FGF12: variants seen among roughly 807,000 people sequenced by gnomAD.
The protein encoded by FGF12 is fibroblast growth factor 12B.
In FGF12, 14 loss-of-function variants were observed where a neutral mutation model predicts 23.6. The ratio of observed to expected loss-of-function variants is 0.59; its 90% CI spans 0.39 to 0.93. The LOEUF (loss-of-function observed/expected upper bound fraction) is 0.93, where lower values mean the gene tolerates loss of function less well. Ranked by LOEUF, FGF12 falls within the 40% of genes least tolerant of loss-of-function variation. The pLI is 0.00. For synonymous variants in FGF12, 62 were observed against 77.3 expected (o/e 0.80, Z 1.04); for missense variants, 175 against 217.8 (o/e 0.80, Z 1.24).
At chr3:192,518,891 C>T (rs568497063) in intron 2 of FGF12, among the ~76,000 whole-genome samples, 27 of 151,910 alleles carry the variant, frequency 1.8e-4, no homozygotes, top group Admixed American at 1.6e-3. Flanking sequence ...TCCCTGACTC[C>T]TGTTCCTCTT....
chr3:192,311,553 C>CAAAT (rs759303091), intron 4 of FGF12, among the ~76,000 whole-genome samples: 10 of 152,166 alleles, frequency 6.6e-5, no homozygotes, highest in Non-Finnish European at 1.2e-4. Flanking sequence ...AGTTGATGGA[C>CAAAT]ATTTGAATTG....
chr3:192,373,246 A>G (rs1271960169), intron 2 of FGF12, among the ~76,000 whole-genome samples: 1 of 151,504 alleles, frequency 6.6e-6, no homozygotes, highest in African/African-American at 2.4e-5. Context: ...CAGAATATCT[A>G]GTTCTTAGCA....
At chr3:192,571,945 T>G (rs1273088702) in intron 2 of FGF12, among the ~76,000 whole-genome samples, 17 of 144,700 alleles carry the variant, frequency 1.2e-4, no homozygotes, top group African/African-American at 4.6e-4. Context: ...TATTGCTGTT[T>G]TTTTTTTTTT....
intron 2 of FGF12, among the ~76,000 whole-genome samples, chr3:192,640,224 A>G (rs1161782467): frequency 1.3e-5 from 2 of 152,120 alleles, no homozygotes; most frequent in Non-Finnish European, 2.9e-5. Flanking sequence ...ACAAACAAAA[A>G]ACCATGGGCA....
intron 2 of FGF12, among the ~76,000 whole-genome samples, chr3:192,393,251 A>G (rs374108505): frequency 1.3e-5 from 2 of 152,246 alleles, no homozygotes; most frequent in South Asian, 2.1e-4. Flanking sequence ...ACTAACCTCA[A>G]GAAATGACTT....
At chr3:192,373,106 T>A (rs1719310755) in intron 2 of FGF12, among the ~76,000 whole-genome samples, 1 of 152,144 alleles carries the variant, frequency 6.6e-6, no homozygotes, top group South Asian at 2.1e-4. Context: ...CTGTTTTTTT[T>A]TTCACCTCCC....
chr3:192,695,540 A>G (rs1718090247), intron 2 of FGF12, among the ~76,000 whole-genome samples: 1 of 152,216 alleles, frequency 6.6e-6, no homozygotes, highest in Non-Finnish European at 1.5e-5. Flanking sequence ...TAGTAGGTTC[A>G]CAGGAAATGT....
intron 2 of FGF12, among the ~76,000 whole-genome samples, chr3:192,726,406 G>C (rs1181435818): frequency 6.6e-6 from 1 of 152,110 alleles, no homozygotes; most frequent in African/African-American, 2.4e-5. Flanking sequence ...GCATAGATGG[G>C]GTTAAATCCA....
intron 2 of FGF12, among the ~76,000 whole-genome samples, chr3:192,491,200 A>C (rs1723791091): frequency 6.6e-6 from 1 of 152,080 alleles, no homozygotes; most frequent in Non-Finnish European, 1.5e-5. Context: ...CATGTAACAG[A>C]TATCCCAAGA....
At chr3:192,289,224 C>T (rs115960114) in intron 4 of FGF12, among the ~76,000 whole-genome samples, 5,832 of 152,210 alleles carry the variant, frequency 0.038, 181 homozygotes, top group South Asian at 0.061. Context: ...TGCCAGGCTC[C>T]ATTCTAAGTG....
At chr3:192,197,748 C>G (rs1027588748) in intron 4 of FGF12, among the ~76,000 whole-genome samples, 1 of 152,010 alleles carries the variant, frequency 6.6e-6, no homozygotes, top group African/African-American at 2.4e-5. Context: ...AGTTTGAGAC[C>G]AGCCTGACCA....
chr3:192,509,062 G>T (rs1206206713), intron 2 of FGF12, among the ~76,000 whole-genome samples: 4 of 145,486 alleles, frequency 2.7e-5, no homozygotes, highest in Non-Finnish European at 6.1e-5. Context: ...ATCCTGAAGG[G>T]TTTTTTTTTT....
rs574641524 is a variant in FGF12 at position 192,275,889 on chromosome 3, G to A, written c.228+59472C>T. On this transcript the variant is annotated intron_variant, in intron 4 of 5. Transcript: ENST00000445105. ...TCCACATTCCAACCTCCCAGCTAAG[G>A]ATATTGCCTCACTGTCACCTCACTG... Among the ~76,000 whole-genome samples, 54 of 152,204 alleles carry A rather than the reference G, an allele frequency of 3.5e-4. 1 individual carries two copies. Among genetic ancestry groups the A allele is most frequent in the Admixed American group, 1.2e-3 (18 of 15,276 alleles).
At chr3:192,507,682 G>A (rs1350920507) in intron 2 of FGF12, among the ~76,000 whole-genome samples, 1 of 152,144 alleles carries the variant, frequency 6.6e-6, no homozygotes, top group East Asian at 1.9e-4. Context: ...CAGGCTGCTT[G>A]TGAACAGAAG....
chr3:192,476,908 C>T (rs867344236), intron 2 of FGF12, among the ~76,000 whole-genome samples: 3 of 152,026 alleles, frequency 2.0e-5, no homozygotes, highest in East Asian at 1.9e-4. Flanking sequence ...TAAATGCTTT[C>T]GGATGATTAA....
In FGF12 at chr3:192,141,446, T is replaced by C. The variant is rs1713380046; in HGVS notation, c.*2563A>G. 1 of 152,042 alleles carries C rather than the reference T, an allele frequency of 6.6e-6. No individual in the cohort carries two copies. The highest frequency in any genetic ancestry group is 1.5e-5 in the Non-Finnish European group (1 of 67,890). 9.4% of individuals were successfully genotyped at this position (152,042 alleles called of 1,614,324 possible). On this transcript the variant is annotated 3_prime_UTR_variant, in exon 6 of 6. Coordinates refer to ENST00000445105, the MANE Select transcript of FGF12 (RefSeq NM_004113.6). ...CTACATTTTTTGTCAGGTTTATGTGTAAAAGAAATCAGGTTTCCAATTAAT... is the reference window on the plus strand; with the variant it reads ...CTACATTTTTTGTCAGGTTTATGTGCAAAAGAAATCAGGTTTCCAATTAAT...
chr3:192,298,578 C>T lies in FGF12; in HGVS notation c.228+36783G>A, dbSNP rs553697605. Among the ~76,000 whole-genome samples the T allele has an allele frequency of 8.2e-4, 125 of 152,240 alleles. 1 individual carries two copies. Among genetic ancestry groups the T allele is most frequent in the Middle Eastern group, 6.8e-3 (2 of 294 alleles). On this transcript the variant is annotated intron_variant, in intron 4 of 5. Transcript: ENST00000445105. Reference sequence around the variant, plus strand: ...GACCAGCCGGGCCAAAATGGTGAAACTCCATCTCTACTAAAAATACAAAAA... The same window carrying T: ...GACCAGCCGGGCCAAAATGGTGAAATTCCATCTCTACTAAAAATACAAAAA...
chr3:192,468,841 G>A (rs73070221), intron 2 of FGF12, among the ~76,000 whole-genome samples: 3 of 151,914 alleles, frequency 2.0e-5, no homozygotes, highest in Non-Finnish European at 4.4e-5. Context: ...TGGGGTTTGC[G>A]GAACAGTGAT....
At chr3:192,243,388 A>G (rs1719719838) in intron 4 of FGF12, among the ~76,000 whole-genome samples, 1 of 152,066 alleles carries the variant, frequency 6.6e-6, no homozygotes. Context: ...GCACATGAAT[A>G]AACAGTCATA....
Sources: allele counts gnomAD v4.1 joint callset (sites outside exome capture counted in the v4.1 genomes callset), GRCh38; gene constraint gnomAD v4.1.1; transcripts MANE v1.5; gene names NCBI Gene and HGNC (gene_info 2026-07-23, HGNC 2026-07-21).